The following TRPM2 variants were observed in gnomAD, a reference collection of about 807,000 sequenced individuals.
TRPM2 encodes the protein transient receptor potential cation channel subfamily M member 2.
TRPM2 carries 161 observed loss-of-function variants against 174.0 expected under a neutral mutation model. The observed-to-expected ratio is 0.93, with a 90% CI of 0.81 to 1.05. TRPM2 has a LOEUF of 1.05. Among genes scored for constraint, TRPM2 ranks in the 50% least tolerant of loss-of-function variants. The pLI is 0.00. For missense variants in TRPM2, 2,057 were observed against 2,038.0 expected, an observed-to-expected ratio of 1.01 and a Z score of -0.18; for synonymous variants, 954 against 861.3, an observed-to-expected ratio of 1.11 and a Z score of -1.88.
rs572398660 is a variant in TRPM2, at chr21:44,424,836, G to C, written c.3550-16G>C. Reference sequence around the variant, plus strand: ...GGGTGGCAGGTGCTCACTGTGTCTCGGGCCATGCCTTCCAGGTGGCCCAGA... The same window carrying C: ...GGGTGGCAGGTGCTCACTGTGTCTCCGGCCATGCCTTCCAGGTGGCCCAGA... On this transcript the variant is annotated splice_polypyrimidine_tract_variant and intron_variant, in intron 23 of 31. Transcript: ENST00000397928. The C allele has an allele frequency of 4.5e-6, 7 of 1,567,454 alleles. No individual in the cohort carries two copies. Among genetic ancestry groups the C allele is most frequent in the Non-Finnish European group, 6.1e-6 (7 of 1,154,664 alleles).
chr21:44,430,749 A>G lies in TRPM2; in HGVS notation c.3974+3638A>G, dbSNP rs144696968. On this transcript the variant is annotated intron_variant, in intron 27 of 31. Coordinates refer to ENST00000397928, the MANE Select transcript of TRPM2 (RefSeq NM_003307.4). The stretch of plus-strand genomic sequence containing the variant: ...CGGCCGAGCAAGTGGATTTCTAACT[A>G]CTTTATCTTCCATAATGATTTTTCG... 1.9e-3 allele frequency among the ~76,000 whole-genome samples: 285 copies of G among 150,418 alleles called. 21 individuals carry two copies. Among genetic ancestry groups the G allele is most frequent in the African/African-American group, 6.7e-3 (269 of 39,906 alleles).
At chr21:44,363,727 T>A (rs1407584089) in intron 2 of TRPM2, among the ~76,000 whole-genome samples, 4 of 152,206 alleles carry the variant, frequency 2.6e-5, no homozygotes, top group Non-Finnish European at 4.4e-5. Flanking sequence ...TTGTTAAAAC[T>A]AGTGATGTTT....
rs927542447 is a variant in TRPM2 at position 44,366,382 on chromosome 21, C to T, written c.424-372C>T. Among the ~76,000 whole-genome samples the T allele has an allele frequency of 1.3e-5, 2 of 150,860 alleles. No homozygotes were observed. The highest frequency in any genetic ancestry group is 2.9e-5 in the Non-Finnish European group (2 of 67,990). ...GACCCCGGTGCAGGAGCTGATTAGA[C>T]CCGGGGGAGGCAGGGCCCAGGCGCT... On this transcript the variant is annotated intron_variant, in intron 3 of 31. Transcript: ENST00000397928. The surrounding 1 kb of genome is among the most constrained non-coding windows in gnomAD (Gnocchi z 6.0).
rs900516050 is a variant in TRPM2 at position 44,425,794 on chromosome 21, C to T, written c.3762C>T (p.Arg1254=). Residue 1254 remains arginine (R), a synonymous_variant, in exon 25 of 32, where the codon CGC becomes CGT. Transcript: ENST00000397928. ...TCTACCCCAACTGCCCTGTCACGCGCTTCCCCGTGCCCAACGAGAAGGTGC... is the reference window on the plus strand; with the variant it reads ...TCTACCCCAACTGCCCTGTCACGCGTTTCCCCGTGCCCAACGAGAAGGTGC... ...HLLYPNCPVT[R]FPVPNEKVPW... 1.6e-5 allele frequency: 26 copies of T among 1,582,976 alleles called. No homozygotes were observed. The highest frequency in any genetic ancestry group is 2.2e-5 in the Non-Finnish European group (25 of 1,157,232).
At position 44,386,711 on chromosome 21, in the gene TRPM2, C is replaced by T. The variant is rs987256976; in HGVS notation, c.1318+3891C>T. Reference sequence around the variant, plus strand: ...TCCAATGCAATTCCTATCAAAACCCCAGTGATTTTTTTTTTTTTGCAGAAA... The same window carrying T: ...TCCAATGCAATTCCTATCAAAACCCTAGTGATTTTTTTTTTTTTGCAGAAA... On this transcript the variant is annotated intron_variant, in intron 9 of 31. Coordinates refer to ENST00000397928, the MANE Select transcript of TRPM2 (RefSeq NM_003307.4). Among the ~76,000 whole-genome samples the T allele has an allele frequency of 1.4e-4, 20 of 142,598 alleles. No individual in the cohort carries two copies. The South Asian group carries it at 4.7e-3, about 33-fold the overall frequency. The allele number at this position is 142,598 out of a possible 152,430, so 93.5% of individuals were successfully genotyped here. A position where few individuals can be genotyped will look rare whatever the true frequency, so the allele number is the denominator to read the frequency against.
At chr21:44,386,901 C>T (rs1020743601) in intron 9 of TRPM2, among the ~76,000 whole-genome samples, 2 of 152,132 alleles carry the variant, frequency 1.3e-5, no homozygotes, top group African/African-American at 4.8e-5. Flanking sequence ...TAAAGAAAGA[C>T]ATAGAGGGCT....
chr21:44,368,382 C>G (rs778097340), intron 4 of TRPM2, among the ~76,000 whole-genome samples: 1 of 151,352 alleles, frequency 6.6e-6, no homozygotes, highest in East Asian at 1.9e-4. Flanking sequence ...GCTGGGATAA[C>G]AGGCGTGAGC....
At chr21:44,390,288 G>A (rs1299421814) in intron 9 of TRPM2, among the ~76,000 whole-genome samples, 1 of 152,168 alleles carries the variant, frequency 6.6e-6, no homozygotes, top group Non-Finnish European at 1.5e-5. Flanking sequence ...TGTAGACATA[G>A]CCTTTATGTT....
chr21:44,398,028 T>C (rs1602222043), intron 13 of TRPM2, 152 bp downstream of exon 13: 1 of 1,000,512 alleles, frequency 1.0e-6, no homozygotes, highest in African/African-American at 1.7e-5. Flanking sequence ...GGGGTCCTCA[T>C]CCCGGAGTCT....
Position 44,441,903 on chromosome 21 carries a change from A to C in TRPM2, c.*86A>C. 6.8e-7 allele frequency: 1 copy of C among 1,478,048 alleles called. No homozygotes were observed. 91.6% of individuals were successfully genotyped at this position (1,478,048 alleles called of 1,614,324 possible). The stretch of plus-strand genomic sequence containing the variant: ...TCTCTCCTGAGCCTGGCCAGGACTC[A>C]GGCTGTTCCTGGGCCCTGCACATGA... On this transcript the variant is annotated 3_prime_UTR_variant, in exon 32 of 32. Transcript: ENST00000397928.
rs1416111019 is a variant in TRPM2, at chr21:44,366,622, T to C, written c.424-132T>C. The C allele has an allele frequency of 2.4e-6, 3 of 1,237,380 alleles. No homozygotes were observed. The highest frequency in any genetic ancestry group is 5.0e-5 in the East Asian group (2 of 39,696). 76.7% of individuals were successfully genotyped at this position (1,237,380 alleles called of 1,614,324 possible). ...GTGCCCTGCCCACATGGGGACCCCT[T>C]TTCTGGGTCTGAGCCGGAAAGGTGT... On this transcript the variant is annotated intron_variant, in intron 3 of 31. Transcript: ENST00000397928. This position sits in a 1 kb window ranked among gnomAD's most constrained non-coding sequence, Gnocchi z 6.0.
rs1326950723 is a variant in TRPM2 at position 44,423,639 on chromosome 21, T to C, written c.3462-6T>C. ...GTGCGTCCAGCTCAGCTGCTTCCTC[T>C]TTCAGGGTTGACGCCATGGTGGACC... On this transcript the variant is annotated splice_polypyrimidine_tract_variant and splice_region_variant and intron_variant, in intron 22 of 31. Coordinates refer to ENST00000397928, the MANE Select transcript of TRPM2 (RefSeq NM_003307.4). 1 of 1,611,696 alleles carries C rather than the reference T, an allele frequency of 6.2e-7. No homozygotes were observed.
chr21:44,350,578 G>A (rs1399450004), upstream of TRPM2, among the ~76,000 whole-genome samples: 4 of 135,028 alleles, frequency 3.0e-5, no homozygotes, highest in Non-Finnish European at 6.2e-5. Context: ...GCACGGCGGG[G>A]TGCAGGGGCG....
chr21:44,366,102 G>T lies in TRPM2; in HGVS notation c.424-652G>T, dbSNP rs974577543. Among the ~76,000 whole-genome samples, 1 of 152,198 alleles carries T rather than the reference G, an allele frequency of 6.6e-6. No homozygotes were observed. The highest frequency in any genetic ancestry group is 1.5e-5 in the Non-Finnish European group (1 of 68,032). On this transcript the variant is annotated intron_variant, in intron 3 of 31. Transcript: ENST00000397928. The surrounding 1 kb of genome is among the most constrained non-coding windows in gnomAD (Gnocchi z 6.0). ...CCGCCTAGCGGAACAGGGAAAGTCC[G>T]CTGTGTACTTGGGAGGGTCTCCTGG...
chr21:44,407,927 T>C (rs1434321582), intron 19 of TRPM2, among the ~76,000 whole-genome samples: 1 of 151,554 alleles, frequency 6.6e-6, no homozygotes, highest in African/African-American at 2.4e-5. Flanking sequence ...TTAATTAATA[T>C]TTAATTTTTT....
At chr21:44,431,750 A>ACGGG (rs879707998) in intron 27 of TRPM2, among the ~76,000 whole-genome samples, 2 of 152,228 alleles carry the variant, frequency 1.3e-5, no homozygotes, top group Non-Finnish European at 2.9e-5. Context: ...TGCTAGGATT[A>ACGGG]CGGGCGTGAG....
Position 44,399,503 on chromosome 21 carries a change from C to T in TRPM2, c.2208+62C>T, listed in dbSNP as rs1377164635. The T allele has an allele frequency of 3.9e-6, 6 of 1,552,076 alleles. No individual in the cohort carries two copies. Among genetic ancestry groups the T allele is most frequent in the Non-Finnish European group, 5.2e-6 (6 of 1,148,490 alleles). ...TGTGGTGCCTGCAGGGCGGACACAG[C>T]CTCCTGTTCGTGCAGTTGGCACGCA... is the stretch of plus-strand genomic sequence containing the variant. On this transcript the variant is annotated intron_variant, in intron 14 of 31. Transcript: ENST00000397928. The surrounding 1 kb of genome is among the most constrained non-coding windows in gnomAD (Gnocchi z 4.6).
At chr21:44,405,857 T>C (rs749000277) in intron 17 of TRPM2, 48 bp from the exon 18 acceptor site, 1 of 1,585,006 alleles carries the variant, frequency 6.3e-7, no homozygotes, top group Non-Finnish European at 8.5e-7. Context: ...CTCTGGGGGC[T>C]GCTGTGAGCA....
Position 44,439,680 on chromosome 21 carries a change from C to T in TRPM2, c.4269+512C>T, listed in dbSNP as rs1011944306. The stretch of plus-strand genomic sequence containing the variant: ...AAACCTCGATCTTTCCTTAGAAAGC[C>T]TCCATCTCCAGCTCTCTCACACAAA... On this transcript the variant is annotated intron_variant, in intron 30 of 31. Transcript: ENST00000397928. The surrounding 1 kb of genome is among the most constrained non-coding windows in gnomAD (Gnocchi z 5.1). 1.3e-5 allele frequency among the ~76,000 whole-genome samples: 2 copies of T among 152,160 alleles called. No individual in the cohort carries two copies. Among genetic ancestry groups the T allele is most frequent in the East Asian group, 3.9e-4 (2 of 5,176 alleles).
Sources: gnomAD v4.1 joint callset for allele counts (sites outside exome capture counted in the v4.1 genomes callset) on GRCh38, gnomAD v4.1.1 for gene constraint, Gnocchi (gnomAD v3.1) non-coding constraint, MANE v1.5 for transcripts, NCBI Gene and HGNC (gene_info 2026-07-23, HGNC 2026-07-21) for gene names.